FAM83B: variants seen among roughly 807,000 people sequenced by gnomAD.
FAM83B encodes protein FAM83B.
A neutral mutation model predicts 38.8 loss-of-function variants in FAM83B; 26 were observed. That is an observed-to-expected ratio of 0.67 (90% confidence interval 0.49 to 0.93). The LOEUF is 0.93. Among genes scored for constraint, FAM83B ranks in the 40% least tolerant of loss-of-function variants. The pLI is 0.00. For synonymous variants in FAM83B, 419 were observed against 423.1 expected (o/e 0.99, Z 0.12); for missense variants, 1,237 against 1,197.3 (o/e 1.03, Z -0.49).
In FAM83B at chr6:54,943,873, G is replaced by A. The variant is rs1438840354; in HGVS notation, c.*1866G>A. 1 of 152,164 alleles carries A rather than the reference G, an allele frequency of 6.6e-6. No homozygotes were observed. Among genetic ancestry groups the A allele is most frequent in the Non-Finnish European group, 1.5e-5 (1 of 68,028 alleles). 9.4% of individuals were successfully genotyped at this position (152,164 alleles called of 1,614,324 possible). On this transcript the variant is annotated 3_prime_UTR_variant, in exon 5 of 5. Transcript: ENST00000306858. ...CATGTTTAATTACAACCAAAAGCCT[G>A]TTGCCTTTTTGTACAGAAATCTCCT...
At chr6:54,917,453 A>G (rs1225792227) in intron 2 of FAM83B, among the ~76,000 whole-genome samples, 1 of 152,174 alleles carries the variant, frequency 6.6e-6, no homozygotes, top group Non-Finnish European at 1.5e-5. Context: ...TGTCTTCTTT[A>G]CATAATTAAA....
chr6:54,873,744 C>T (rs1446010264), intron 2 of FAM83B, among the ~76,000 whole-genome samples: 1 of 139,884 alleles, frequency 7.1e-6, no homozygotes, highest in Non-Finnish European at 1.5e-5. Flanking sequence ...TGGTAATAAA[C>T]ACTGTAAAAC....
intron 2 of FAM83B, among the ~76,000 whole-genome samples, chr6:54,923,424 C>A (rs549660122): frequency 6.6e-6 from 1 of 152,052 alleles, no homozygotes; most frequent in East Asian, 1.9e-4. Context: ...GTTACACACT[C>A]ATGGCAGAAC....
intron 2 of FAM83B, among the ~76,000 whole-genome samples, chr6:54,925,202 TC>T (rs1773260623): frequency 6.6e-6 from 1 of 152,166 alleles, no homozygotes; most frequent in Non-Finnish European, 1.5e-5. Context: ...AGAGAGACCT[TC>T]CCCGAAACCC....
At chr6:54,880,039 A>C (rs182734066) in intron 2 of FAM83B, among the ~76,000 whole-genome samples, 294 of 152,328 alleles carry the variant, frequency 1.9e-3, no homozygotes, top group Middle Eastern at 0.014. Flanking sequence ...TAAGCTAATA[A>C]AATTTATTTC....
intron 2 of FAM83B, among the ~76,000 whole-genome samples, chr6:54,898,589 C>T (rs1238095874): frequency 6.6e-6 from 1 of 152,190 alleles, no homozygotes; most frequent in African/African-American, 2.4e-5. Flanking sequence ...TATCTCTACT[C>T]TGCTTCCAAA....
chr6:54,944,388 T>TG lies in FAM83B; in HGVS notation c.*2381_*2382insG, dbSNP rs1773761868. 1 of 152,206 alleles carries TG rather than the reference T, an allele frequency of 6.6e-6. No individual in the cohort carries two copies. Among genetic ancestry groups the TG allele is most frequent in the South Asian group, 2.1e-4 (1 of 4,834 alleles). 9.4% of individuals were successfully genotyped at this position (152,206 alleles called of 1,614,324 possible). On this transcript the variant is annotated 3_prime_UTR_variant, in exon 5 of 5. Transcript: ENST00000306858. ...CTACATGGTACTGTACATTAGTTTT[T>TG]AAGCAGAAACACAAGAAAAATGGGT...
At chr6:54,915,239 C>T (rs1773006790) in intron 2 of FAM83B, among the ~76,000 whole-genome samples, 1 of 152,058 alleles carries the variant, frequency 6.6e-6, no homozygotes, top group African/African-American at 2.4e-5. Flanking sequence ...AGTCTGATGG[C>T]TTTCTTTATA....
intron 2 of FAM83B, among the ~76,000 whole-genome samples, chr6:54,918,800 T>G (rs1211117616): frequency 6.6e-6 from 1 of 152,148 alleles, no homozygotes; most frequent in East Asian, 1.9e-4. Flanking sequence ...GCATTTTAAT[T>G]GTTTTCTGGT....
intron 4 of FAM83B, among the ~76,000 whole-genome samples, chr6:54,939,324 G>A (rs1773599916): frequency 6.6e-6 from 1 of 151,974 alleles, no homozygotes; most frequent in African/African-American, 2.4e-5. Context: ...TTTTTGCTTG[G>A]TTTTGCTTTG....
Position 54,941,383 on chromosome 6 carries a change from T to C in FAM83B, c.2412T>C (p.Ser804=), listed in dbSNP as rs753434978. The C allele has an allele frequency of 2.5e-5, 40 of 1,613,262 alleles. No homozygotes were observed. Among genetic ancestry groups the C allele is most frequent in the South Asian group, 1.7e-4 (15 of 90,820 alleles). The change falls in exon 5 of 5, where the codon TCT becomes TCC. Residue 804 remains serine, a synonymous_variant. Transcript: ENST00000306858. The part of the protein sequence containing the change: ...APAFYRLCSS[S]DTLVSEGEEN... ...CCTTTTATAGATTGTGTAGTAGCTCTGACACATTAGTTTCTGAGGGTGAAG... is the reference window on the plus strand; with the variant it reads ...CCTTTTATAGATTGTGTAGTAGCTCCGACACATTAGTTTCTGAGGGTGAAG...
Position 54,941,852 on chromosome 6 carries a change from C to A in FAM83B, c.2881C>A (p.Pro961Thr), listed in dbSNP as rs1295043135. Residue 961 changes from proline (P) to threonine (T), a missense_variant, in exon 5 of 5, where the codon CCA becomes ACA. By Grantham distance (38) the Pro-to-Thr change is conservative. Transcript: ENST00000306858. ...CATGCCAAATACCAGTATAAATCGCCCAGAAATAAAATCTGCGACTATGGG... is the reference window on the plus strand; with the variant it reads ...CATGCCAAATACCAGTATAAATCGCACAGAAATAAAATCTGCGACTATGGG... Reference protein sequence around the residue: ...SNMPNTSINRPEIKSATMGNS... With the variant: ...SNMPNTSINRTEIKSATMGNS... The A allele has an allele frequency of 6.2e-7, 1 of 1,614,046 alleles. No individual in the cohort carries two copies. Among genetic ancestry groups the A allele is most frequent in the Non-Finnish European group, 8.5e-7 (1 of 1,180,010 alleles).
intron 2 of FAM83B, among the ~76,000 whole-genome samples, chr6:54,905,655 A>C (rs1411041949): frequency 6.6e-6 from 1 of 152,192 alleles, no homozygotes; most frequent in African/African-American, 2.4e-5. Context: ...TCTTAATTAC[A>C]CAGTTGAGAA....
chr6:54,906,967 A>C (rs1772789634), intron 2 of FAM83B, among the ~76,000 whole-genome samples: 1 of 152,144 alleles, frequency 6.6e-6, no homozygotes, highest in Non-Finnish European at 1.5e-5. Context: ...GATTATATTG[A>C]AACCCATTCT....
intron 4 of FAM83B, among the ~76,000 whole-genome samples, chr6:54,934,116 C>G (rs1773481126): frequency 2.0e-5 from 3 of 152,068 alleles, no homozygotes; most frequent in Non-Finnish European, 2.9e-5. Context: ...CTATGGGGTA[C>G]GTAGGGCTTG....
intron 2 of FAM83B, among the ~76,000 whole-genome samples, chr6:54,920,853 A>T (rs914400086): frequency 1.3e-5 from 2 of 151,836 alleles, no homozygotes; most frequent in Non-Finnish European, 2.9e-5. Flanking sequence ...CATTTTCCCA[A>T]CACACTGTTT....
intron 2 of FAM83B, among the ~76,000 whole-genome samples, chr6:54,881,605 T>C (rs896921769): frequency 6.6e-6 from 1 of 152,124 alleles, no homozygotes; most frequent in African/African-American, 2.4e-5. Flanking sequence ...CCTGCTGAAT[T>C]CTGGAGCAGT....
chr6:54,941,025 A>G lies in FAM83B; in HGVS notation c.2054A>G (p.Tyr685Cys), dbSNP rs1366606147. 1 of 1,613,912 alleles carries G rather than the reference A, an allele frequency of 6.2e-7. No homozygotes were observed. ...CCTGGAAATAGTAAGCATTATGTAT[A>G]TAGTACACTTACCAGGAATCGAGTT... ...LDPGNSKHYV[Y>C]STLTRNRVRQ... Residue 685 changes from tyrosine to cysteine, a missense_variant, in exon 5 of 5, where the codon TAT becomes TGT. Tyr to Cys is a radical substitution (Grantham distance 194). Transcript: ENST00000306858.
At chr6:54,882,494 T>C (rs1253178577) in intron 2 of FAM83B, among the ~76,000 whole-genome samples, 1 of 152,160 alleles carries the variant, frequency 6.6e-6, no homozygotes, top group East Asian at 1.9e-4. Flanking sequence ...GCCTGGGTCA[T>C]GGGCTCAGAC....
Sources: gnomAD v4.1 joint callset for allele counts (sites outside exome capture counted in the v4.1 genomes callset) on GRCh38, gnomAD v4.1.1 for gene constraint, MANE v1.5 for transcripts, NCBI Gene and HGNC (gene_info 2026-07-23, HGNC 2026-07-21) for gene names.